The following CELSR1 variants were observed in gnomAD, a reference collection of about 807,000 sequenced individuals.
CELSR1 encodes cadherin EGF LAG seven-pass G-type receptor 1.
A neutral mutation model predicts 249.1 loss-of-function variants in CELSR1; 110 were observed. The observed-to-expected ratio is 0.44, with a 90% confidence interval of 0.38 to 0.52. The LOEUF (loss-of-function observed/expected upper bound fraction) is 0.52, where lower values mean the gene tolerates loss of function less well. Among genes scored for constraint, CELSR1 ranks in the 20% least tolerant of loss-of-function variants. The pLI is 0.00. For synonymous variants in CELSR1, 2,113 were observed against 1,900.0 expected (o/e 1.11, Z -2.92); for missense variants, 4,109 against 4,296.4 (o/e 0.96, Z 1.22).
rs2079352858 is a variant in CELSR1, at chr22:46,412,738, T to C, written c.4612-979A>G. 6.6e-6 allele frequency among the ~76,000 whole-genome samples: 1 copy of C among 152,180 alleles called. No individual in the cohort carries two copies. Reference sequence around the variant, plus strand: ...CCAGGAGGAAAAGCAGCACCCGCCCTACACAATCCATGCTGGCCACGGAAC... The same window carrying C: ...CCAGGAGGAAAAGCAGCACCCGCCCCACACAATCCATGCTGGCCACGGAAC... On this transcript the variant is annotated intron_variant, in intron 5 of 34. Transcript: ENST00000674500. This position sits in a 1 kb window ranked among gnomAD's most constrained non-coding sequence, Gnocchi z 4.5.
intron 5 of CELSR1, among the ~76,000 whole-genome samples, chr22:46,431,773 A>G (rs2079598558): frequency 6.6e-6 from 1 of 152,148 alleles, no homozygotes; most frequent in East Asian, 1.9e-4. Context: ...TCAAGAAAAG[A>G]CTCGGTCTTT....
At chr22:46,533,490 C>G in intron 1 of CELSR1, 137 bp downstream of exon 1, 1 of 1,292,382 alleles carries the variant, frequency 7.7e-7, no homozygotes, top group Non-Finnish European at 1.0e-6. Flanking sequence ...ATCCAACCGG[C>G]GGCAACAAAT....
In CELSR1 at chr22:46,365,236, G is replaced by A; in HGVS notation, c.8549C>T (p.Pro2850Leu). ...AATGTGCCCCACACACTCACCTTTG[G>A]GGGTGCTGTGGACGGCGCCCCTGGC... ...DPARGAVHST[P>L]KGDAVANHVP... The change falls in exon 32 of 35, where the codon CCC becomes CTC. Residue 2850 changes from proline (P) to leucine (L), a missense_variant. Physicochemically the swap from Pro to Leu is moderately conservative, Grantham distance 98. Transcript: ENST00000674500. 1 of 1,611,642 alleles carries A rather than the reference G, an allele frequency of 6.2e-7. No homozygotes were observed. The highest frequency in any genetic ancestry group is 1.1e-5 in the South Asian group (1 of 91,036).
At chr22:46,491,917 A>G (rs138435953) in intron 1 of CELSR1, among the ~76,000 whole-genome samples, 8 of 152,338 alleles carry the variant, frequency 5.3e-5, no homozygotes, top group African/African-American at 1.9e-4. Context: ...GATTATAGGC[A>G]TGAGCCACGA....
Position 46,409,869 on chromosome 22 carries a change from G to T in CELSR1, c.4945C>A (p.Arg1649=), listed in dbSNP as rs192774188. The T allele has an allele frequency of 6.2e-7, 1 of 1,613,182 alleles. No homozygotes were observed. The highest frequency in any genetic ancestry group is 8.5e-7 in the Non-Finnish European group (1 of 1,179,982). The change falls in exon 8 of 35, where the codon CGG becomes AGG. Residue 1649 remains arginine (R), a synonymous_variant. Transcript: ENST00000674500. The surrounding 1 kb of genome is among the most constrained non-coding windows in gnomAD (Gnocchi z 9.8). The part of the protein sequence containing the change: ...NNGTREGCAA[R]RNFCDGRRCQ... ...CGCCTCCCATCGCAGAAGTTCCTCC[G>T]AGCAGCGCAGCCTGGCAACACAGAG... is the stretch of plus-strand genomic sequence containing the variant.
In CELSR1 at chr22:46,447,579, C is replaced by T. The variant is rs1204058108; in HGVS notation, c.4184-8168G>A. Among the ~76,000 whole-genome samples the T allele has an allele frequency of 1.3e-5, 2 of 152,164 alleles. No homozygotes were observed. Among genetic ancestry groups the T allele is most frequent in the Admixed American group, 1.3e-4 (2 of 15,270 alleles). ...TCACGCATGCAGCCTGCCAAAAGCT[C>T]CCCCTCTCCCCGTAGGAGGGACGCA... On this transcript the variant is annotated intron_variant, in intron 2 of 34. Coordinates refer to ENST00000674500, the MANE Select transcript of CELSR1 (RefSeq NM_001378328.1). This position sits in a 1 kb window ranked among gnomAD's most constrained non-coding sequence, Gnocchi z 4.7.
chr22:46,380,306 G>A lies in CELSR1; in HGVS notation c.7256+482C>T, dbSNP rs2078963453. Among the ~76,000 whole-genome samples, 1 of 152,232 alleles carries A rather than the reference G, an allele frequency of 6.6e-6. No individual in the cohort carries two copies. The highest frequency in any genetic ancestry group is 1.5e-5 in the Non-Finnish European group (1 of 68,042). On this transcript the variant is annotated intron_variant, in intron 22 of 34. Transcript: ENST00000674500. The surrounding 1 kb of genome is among the most constrained non-coding windows in gnomAD (Gnocchi z 5.1). ...GATAAACTGTGCTGCGGCCAGGTGT[G>A]GCCTCTTGGGGGTGAAGCCAGTCCC...
At chr22:46,457,294 A>G (rs980584794) in intron 2 of CELSR1, among the ~76,000 whole-genome samples, 2 of 151,756 alleles carry the variant, frequency 1.3e-5, no homozygotes, top group Admixed American at 1.3e-4. Context: ...GCAGTGAGCC[A>G]AGGTTGTGCC....
rs5768895 is a variant in CELSR1, at chr22:46,527,141, A to G, written c.3544+6486T>C. ...TGGAGGTGGCGACGGTACTTTCCAT[A>G]CCACAGTGTGGCGGCTGGAAAACTG... On this transcript the variant is annotated intron_variant, in intron 1 of 34. Transcript: ENST00000674500. This position sits in a 1 kb window ranked among gnomAD's most constrained non-coding sequence, Gnocchi z 5.5. Among the ~76,000 whole-genome samples, 61,867 of 151,928 alleles carry G rather than the reference A, an allele frequency of 0.41. 12,675 individuals are homozygous for G. Among genetic ancestry groups the G allele is most frequent in the Middle Eastern group, 0.46 (135 of 294 alleles).
chr22:46,500,861 C>A lies in CELSR1; in HGVS notation c.3544+32766G>T, dbSNP rs62233283. On this transcript the variant is annotated intron_variant, in intron 1 of 34. Coordinates refer to ENST00000674500, the MANE Select transcript of CELSR1 (RefSeq NM_001378328.1). This position sits in a 1 kb window ranked among gnomAD's most constrained non-coding sequence, Gnocchi z 4.9. Reference sequence around the variant, plus strand: ...GAACATCCCCCATCTGCGGGCAGAGCTGTCCTTGTAAGCACGCCCATGATG... The same window carrying A: ...GAACATCCCCCATCTGCGGGCAGAGATGTCCTTGTAAGCACGCCCATGATG... 0.14 allele frequency among the ~76,000 whole-genome samples: 21,600 copies of A among 152,000 alleles called. 1,697 individuals are homozygous for A. Among genetic ancestry groups the A allele is most frequent in the South Asian group, 0.23 (1,116 of 4,804 alleles).
chr22:46,462,853 G>C (rs533264314), intron 2 of CELSR1: 1 of 436,994 alleles, frequency 2.3e-6, no homozygotes, highest in East Asian at 8.1e-5. Flanking sequence ...AATTCATCTT[G>C]GTGATGAGTC....
chr22:46,534,399 A>T lies in CELSR1; in HGVS notation c.2772T>A (p.Asn924Lys). The change falls in exon 1 of 35, where the codon AAT becomes AAA. Residue 924 changes from asparagine to lysine, a missense_variant. Coordinates refer to ENST00000674500, the MANE Select transcript of CELSR1 (RefSeq NM_001378328.1). The surrounding 1 kb of genome is among the most constrained non-coding windows in gnomAD (Gnocchi z 9.7). The part of the protein sequence containing the change: ...VSATDRDSGP[N>K]GRLLYTFQGG... Reference sequence around the variant, plus strand: ...CCTGGAAGGTGTACAGCAGACGCCCATTGGGACCTGAGTCCCGGTCCGTGG... The same window carrying T: ...CCTGGAAGGTGTACAGCAGACGCCCTTTGGGACCTGAGTCCCGGTCCGTGG... The T allele has an allele frequency of 6.2e-7, 1 of 1,612,914 alleles. No individual in the cohort carries two copies. Among genetic ancestry groups the T allele is most frequent in the Non-Finnish European group, 8.5e-7 (1 of 1,180,016 alleles).
intron 5 of CELSR1, among the ~76,000 whole-genome samples, chr22:46,420,327 C>T (rs371016940): frequency 6.6e-6 from 1 of 151,962 alleles, no homozygotes; most frequent in African/African-American, 2.4e-5. Flanking sequence ...TGCACTCACC[C>T]ACTCGTGCAC....
chr22:46,433,309 A>T lies in CELSR1; in HGVS notation c.4611+84T>A. The T allele has an allele frequency of 1.0e-6, 1 of 1,003,720 alleles. No homozygotes were observed. The highest frequency in any genetic ancestry group is 1.6e-5 in the African/African-American group (1 of 62,084). The allele number at this position is 1,003,720 out of a possible 1,614,324, so 62.2% of individuals were successfully genotyped here. A position where few individuals can be genotyped will look rare whatever the true frequency, so the allele number is the denominator to read the frequency against. ...CTTGGCCTCTCAAAGTGCTGGGATT[A>T]CAGGCGTGAGCCACTGCGCCTCGCC... On this transcript the variant is annotated intron_variant, in intron 5 of 34. Transcript: ENST00000674500. The surrounding 1 kb of genome is among the most constrained non-coding windows in gnomAD (Gnocchi z 5.7).
At chr22:46,385,842 T>A (rs973277247) in intron 19 of CELSR1, among the ~76,000 whole-genome samples, 3 of 152,000 alleles carry the variant, frequency 2.0e-5, no homozygotes, top group African/African-American at 7.3e-5. Flanking sequence ...CACGACCGGC[T>A]ACTTTTTTGT....
At chr22:46,529,439 G>C (rs1409348113) in intron 1 of CELSR1, among the ~76,000 whole-genome samples, 1 of 151,980 alleles carries the variant, frequency 6.6e-6, no homozygotes, top group Non-Finnish European at 1.5e-5. Context: ...ATAGAAGAAT[G>C]GTTACCAGAA....
chr22:46,470,360 G>A (rs561805441), intron 1 of CELSR1, among the ~76,000 whole-genome samples: 2 of 151,842 alleles, frequency 1.3e-5, no homozygotes, highest in Non-Finnish European at 2.9e-5. Context: ...GGTGCCCTGA[G>A]CTACTCTGAC....
chr22:46,492,644 T>G (rs1014545291), intron 1 of CELSR1, among the ~76,000 whole-genome samples: 1 of 151,982 alleles, frequency 6.6e-6, no homozygotes, highest in Non-Finnish European at 1.5e-5. Flanking sequence ...GCCAACATGG[T>G]GAAACCCCGT....
chr22:46,367,708 G>T lies in CELSR1; in HGVS notation c.8079+21C>A, dbSNP rs752128645. ...ACGGCGGCCAGGCAGGGGTCCCGCG[G>T]GCAACTCGGCCGTCACCTACCTGTA... On this transcript the variant is annotated intron_variant, in intron 28 of 34. Coordinates refer to ENST00000674500, the MANE Select transcript of CELSR1 (RefSeq NM_001378328.1). The T allele has an allele frequency of 1.1e-5, 18 of 1,581,550 alleles. No homozygotes were observed. In the East Asian group the frequency reaches 3.4e-4, roughly 30 times the overall value.
Sources: allele counts gnomAD v4.1 joint callset (sites outside exome capture counted in the v4.1 genomes callset), GRCh38; gene constraint gnomAD v4.1.1; non-coding constraint Gnocchi (gnomAD v3.1); transcripts MANE v1.5; gene names NCBI Gene and HGNC (gene_info 2026-07-23, HGNC 2026-07-21).